Variants in MAP3K11 observed in about 807,000 individuals in gnomAD.
MAP3K11 encodes mitogen-activated protein kinase kinase kinase 11.
Under a neutral mutation model 84.9 loss-of-function variants are expected in MAP3K11, and 46 were observed. The ratio of observed to expected loss-of-function variants is 0.54; its 90% CI spans 0.43 to 0.69. The LOEUF is 0.69. Among genes scored for constraint, MAP3K11 ranks in the 30% least tolerant of loss-of-function variants. MAP3K11 has a pLI of 0.00. For missense variants in MAP3K11, 1,053 were observed against 1,198.3 expected (o/e 0.88, Z 1.79); for synonymous variants, 527 against 514.7 (o/e 1.02, Z -0.32).
At position 65,606,041 on chromosome 11, in the gene MAP3K11, G is replaced by A. The variant is rs1192546017; in HGVS notation, c.1644C>T (p.Ser548=). ...AEPGQAWGRQ[S]PRRLEDSSNG... Reference sequence around the variant, plus strand: ...TGCTTGAGTCCTCCAGACGTCGGGGGGACTGGCGGCCCCATGCCTGGCCTG... The same window carrying A: ...TGCTTGAGTCCTCCAGACGTCGGGGAGACTGGCGGCCCCATGCCTGGCCTG... The change falls in exon 7 of 10, where the codon TCC becomes TCT. Residue 548 remains serine (S), a synonymous_variant. Coordinates refer to ENST00000309100, the MANE Select transcript of MAP3K11 (RefSeq NM_002419.4). 2 of 1,592,906 alleles carry A rather than the reference G, an allele frequency of 1.3e-6. No individual in the cohort carries two copies. Among genetic ancestry groups the A allele is most frequent in the Admixed American group, 1.8e-5 (1 of 54,716 alleles).
At position 65,613,061 on chromosome 11, in the gene MAP3K11, C is replaced by G; in HGVS notation, c.696G>C (p.Glu232Asp). Reference protein sequence around the residue: ...IARGMHYLHCEALVPVIHRDL... With the variant: ...IARGMHYLHCDALVPVIHRDL... ...CACGGTGGATGACGGGCACCAGGGC[C>G]TCGCAGTGCAGGTAGTGCATCCCAC... Residue 232 changes from glutamate to aspartate, a missense_variant, in exon 1 of 10, where the codon GAG becomes GAC. Coordinates refer to ENST00000309100, the MANE Select transcript of MAP3K11 (RefSeq NM_002419.4). 1 of 1,523,510 alleles carries G rather than the reference C, an allele frequency of 6.6e-7. No homozygotes were observed. 94.4% of individuals were successfully genotyped at this position (1,523,510 alleles called of 1,614,324 possible).
chr11:65,602,362 T>C (rs920051227), intron 8 of MAP3K11, among the ~76,000 whole-genome samples: 6 of 151,778 alleles, frequency 4.0e-5, no homozygotes, highest in African/African-American at 1.2e-4. Context: ...ATACAAAAAT[T>C]AGGCCGGGCA....
intron 1 of MAP3K11, 121 bp from the exon 2 acceptor site, chr11:65,608,569 T>C (rs1854539368): frequency 3.8e-6 from 3 of 789,892 alleles, no homozygotes; most frequent in Non-Finnish European, 6.2e-6. Flanking sequence ...AGAGGTGACT[T>C]GGTCTAGATC....
At chr11:65,606,998 T>C (rs1321467152) in intron 5 of MAP3K11, 194 bp from the exon 6 acceptor site, 2 of 578,218 alleles carry the variant, frequency 3.5e-6, no homozygotes, top group Non-Finnish European at 5.8e-6. Flanking sequence ...GAGTCGGAGA[T>C]GCCCTGGCGC....
chr11:65,608,151 T>G, intron 2 of MAP3K11, 81 bp from the exon 3 acceptor site: 3 of 1,596,742 alleles, frequency 1.9e-6, no homozygotes, highest in Non-Finnish European at 2.6e-6. Context: ...CAAAAGCAAC[T>G]AGGAGCCAAG....
chr11:65,607,378 G>A lies in MAP3K11; in HGVS notation c.1381C>T (p.Leu461=), dbSNP rs1441125172. Residue 461 remains leucine, a synonymous_variant, in exon 5 of 10, where the codon CTG becomes TTG. Coordinates refer to ENST00000309100, the MANE Select transcript of MAP3K11 (RefSeq NM_002419.4). The part of the protein sequence containing the change: ...EVFERELTLL[L]QQVDRERPHV... ...GGTCGCTCGCGGTCCACCTGCTGCA[G>A]CAGCAGCGTCAGCTCGCGCTCGAAC... 2 of 1,497,570 alleles carry A rather than the reference G, an allele frequency of 1.3e-6. No individual in the cohort carries two copies. Among genetic ancestry groups the A allele is most frequent in the Middle Eastern group, 1.9e-4 (1 of 5,174 alleles). 92.8% of individuals were successfully genotyped at this position (1,497,570 alleles called of 1,614,324 possible).
At chr11:65,604,511 G>A (rs1854486416) in intron 8 of MAP3K11, among the ~76,000 whole-genome samples, 2 of 152,248 alleles carry the variant, frequency 1.3e-5, no homozygotes, top group Admixed American at 6.5e-5. Context: ...CTGCCTCTGT[G>A]GTCAGACAGG....
At position 65,607,285 on chromosome 11, in the gene MAP3K11, T is replaced by C; in HGVS notation, c.1474A>G (p.Ile492Val). Residue 492 changes from isoleucine (I) to valine (V), a missense_variant, in exon 5 of 10, where the codon ATC (isoleucine) becomes GTC (valine). Coordinates refer to ENST00000309100, the MANE Select transcript of MAP3K11 (RefSeq NM_002419.4). ...KLRARDGGER[I>V]SMPLDFKHRI... ...CGGCCCTCACCGAGTGGCATGCTGATACGCTCGCCGCCGTCGCGCGCCCGG... is the reference window on the plus strand; with the variant it reads ...CGGCCCTCACCGAGTGGCATGCTGACACGCTCGCCGCCGTCGCGCGCCCGG... 6.6e-7 allele frequency: 1 copy of C among 1,520,284 alleles called. No homozygotes were observed. Among genetic ancestry groups the C allele is most frequent in the Non-Finnish European group, 8.7e-7 (1 of 1,143,132 alleles). 94.2% of individuals were successfully genotyped at this position (1,520,284 alleles called of 1,614,324 possible).
rs1854617384 is a variant in MAP3K11 at position 65,613,858 on chromosome 11, CG to C, written c.-103del. 7.6e-7 allele frequency: 1 copy of C among 1,316,074 alleles called. No homozygotes were observed. Among genetic ancestry groups the C allele is most frequent in the East Asian group, 2.6e-5 (1 of 39,072 alleles). The allele number at this position is 1,316,074 out of a possible 1,614,324, so 81.5% of individuals were successfully genotyped here. On this transcript the variant is annotated 5_prime_UTR_variant, in exon 1 of 10. Transcript: ENST00000309100. ...GCCCTAGTCCCGGAACCTGGGCATC[CG>C]GGCCCTGGCCCTCAGCCCCAGACCC...
Position 65,613,316 on chromosome 11 carries a change from G to T in MAP3K11, c.441C>A (p.Arg147=), listed in dbSNP as rs757439213. The T allele has an allele frequency of 1.2e-6, 2 of 1,613,176 alleles. No individual in the cohort carries two copies. The highest frequency in any genetic ancestry group is 1.7e-6 in the Non-Finnish European group (2 of 1,179,978). ...CACTGATGTCCTCATCGGGGTCCTG[G>T]CGAGCTGCCTTCACAGCCACCAGCT... is the stretch of plus-strand genomic sequence containing the variant. ...RGELVAVKAA[R]QDPDEDISVT... is the part of the protein sequence containing the mutation. The change falls in exon 1 of 10, where the codon CGC becomes CGA. Residue 147 remains arginine, a synonymous_variant. Transcript: ENST00000309100.
rs147473400 is a variant in MAP3K11, at chr11:65,607,977, C to T, written c.1014G>A (p.Lys338=). Residue 338 remains lysine, a synonymous_variant, in exon 3 of 10, where the codon AAG becomes AAA. Coordinates refer to ENST00000309100, the MANE Select transcript of MAP3K11 (RefSeq NM_002419.4). ...AGGTGGATGGGATGGGCAGTGTGAG[C>T]TTGTTAACAGCTACGCCATAGGCCA... ...LAVAYGVAVN[K]LTLPIPSTCP... The T allele has an allele frequency of 2.5e-6, 4 of 1,614,114 alleles. No individual in the cohort carries two copies. The African/African-American group carries it at 5.3e-5, about 22-fold the overall frequency.
intron 1 of MAP3K11, chr11:65,612,673 A>C: frequency 4.5e-6 from 1 of 220,250 alleles, no homozygotes; most frequent in East Asian, 9.5e-5. Context: ...AATTTAGGGG[A>C]GGAGAAGATG....
rs10791820 is a variant in MAP3K11, at chr11:65,599,376, C to T, written c.2206+18G>A. ...CCCGTCTCCCATATGTGAAGCAGGC[C>T]GGCTTCAGGCCACTCACCGCGGGGC... On this transcript the variant is annotated intron_variant, in intron 9 of 9. Coordinates refer to ENST00000309100, the MANE Select transcript of MAP3K11 (RefSeq NM_002419.4). 367,766 of 1,532,416 alleles carry T rather than the reference C, an allele frequency of 0.24. 45,816 individuals are homozygous for T. The highest frequency in any genetic ancestry group is 0.3 in the Middle Eastern group (1,475 of 4,942). 94.9% of individuals were successfully genotyped at this position (1,532,416 alleles called of 1,614,324 possible). A position where few individuals can be genotyped will look rare whatever the true frequency, so the allele number is the denominator to read the frequency against.
In MAP3K11 at chr11:65,599,563, G is replaced by T; in HGVS notation, c.2037C>A (p.Pro679=). The T allele has an allele frequency of 3.3e-6, 5 of 1,499,428 alleles. No homozygotes were observed. Among genetic ancestry groups the T allele is most frequent in the Admixed American group, 2.5e-5 (1 of 39,430 alleles). 92.9% of individuals were successfully genotyped at this position (1,499,428 alleles called of 1,614,324 possible). A position where few individuals can be genotyped will look rare whatever the true frequency, so the allele number is the denominator to read the frequency against. Residue 679 remains proline, a synonymous_variant, in exon 9 of 10, where the codon CCC becomes CCA. Transcript: ENST00000309100. ...TCGGGCAGGGCGCGGGCGTTGGCGTGGGGGGTGTTGTCGGGGACTCCCCGC... is the reference window on the plus strand; with the variant it reads ...TCGGGCAGGGCGCGGGCGTTGGCGTTGGGGGTGTTGTCGGGGACTCCCCGC... The part of the protein sequence containing the change: ...RERGESPTTP[P]TPTPAPCPTE...
rs751390937 is a variant in MAP3K11 at position 65,613,004 on chromosome 11, C to T, written c.739+14G>A. On this transcript the variant is annotated intron_variant, in intron 1 of 9. Coordinates refer to ENST00000309100, the MANE Select transcript of MAP3K11 (RefSeq NM_002419.4). ...AGAGCCATGCCACCCCCAACCATGC[C>T]CCCAGAAACTCACTGTTGTTGGACT... 19 of 1,517,486 alleles carry T rather than the reference C, an allele frequency of 1.3e-5. No individual in the cohort carries two copies. The highest frequency in any genetic ancestry group is 1.7e-5 in the Non-Finnish European group (19 of 1,133,362). The allele number at this position is 1,517,486 out of a possible 1,614,324, so 94.0% of individuals were successfully genotyped here.
chr11:65,607,102 C>T (rs1179203426), intron 5 of MAP3K11, 168 bp downstream of exon 5: 2 of 983,314 alleles, frequency 2.0e-6, no homozygotes, highest in Middle Eastern at 3.4e-4. Context: ...CGCCAGAACC[C>T]GCCCACAGAC....
chr11:65,605,998 A>G lies in MAP3K11; in HGVS notation c.1687T>C (p.Cys563Arg), dbSNP rs1166020627. The stretch of plus-strand genomic sequence containing the variant: ...GGGGAACTGGGACCCCAAGCCCAGC[A>G]TGCTCGCCGCTCTCCATTGCTTGAG... ...EDSSNGERRA[C>R]WAWGPSSPKP... The change falls in exon 7 of 10, where the codon TGC (cysteine) becomes CGC (arginine). Residue 563 changes from cysteine to arginine, a missense_variant. By Grantham distance (180) the Cys-to-Arg change is radical (BLOSUM62 -3). This residue lies in a region of MAP3K11 where 583 missense variants were observed against 566.6 expected (regional missense o/e 1.03). Coordinates refer to ENST00000309100, the MANE Select transcript of MAP3K11 (RefSeq NM_002419.4). 1.2e-6 allele frequency: 2 copies of G among 1,601,884 alleles called. No homozygotes were observed. Among genetic ancestry groups the G allele is most frequent in the Non-Finnish European group, 1.7e-6 (2 of 1,175,280 alleles).
intron 9 of MAP3K11, among the ~76,000 whole-genome samples, chr11:65,598,997 G>A (rs1337371435): frequency 1.3e-5 from 2 of 152,170 alleles, no homozygotes; most frequent in Non-Finnish European, 2.9e-5. Flanking sequence ...CTTGGCACAA[G>A]TAAGGAGCCA....
chr11:65,598,173 G>C lies in MAP3K11; in HGVS notation c.*118C>G. 2 of 846,872 alleles carry C rather than the reference G, an allele frequency of 2.4e-6. No individual in the cohort carries two copies. The highest frequency in any genetic ancestry group is 3.8e-4 in the Middle Eastern group (1 of 2,624). 52.5% of individuals were successfully genotyped at this position (846,872 alleles called of 1,614,324 possible). ...CAGTGTAGTGTTCCTGACCCCCAAAGGGGGGTGGGGTCCCTGGGGAAACTG... is the reference window on the plus strand; with the variant it reads ...CAGTGTAGTGTTCCTGACCCCCAAACGGGGGTGGGGTCCCTGGGGAAACTG... On this transcript the variant is annotated 3_prime_UTR_variant, in exon 10 of 10. Transcript: ENST00000309100.
Sources: allele counts gnomAD v4.1 joint callset (sites outside exome capture counted in the v4.1 genomes callset), GRCh38; gene constraint gnomAD v4.1.1; regional missense constraint gnomAD v4.1.1; transcripts MANE v1.5; gene names NCBI Gene and HGNC (gene_info 2026-07-23, HGNC 2026-07-21).